NAMPT: variants seen among roughly 807,000 people sequenced by gnomAD.
NAMPT encodes nicotinamide phosphoribosyltransferase, also known as NAmPRTase.
A neutral mutation model predicts 58.7 loss-of-function variants in NAMPT; 7 were observed. That is an observed-to-expected ratio of 0.12 (90% CI 0.07 to 0.22). The LOEUF (loss-of-function observed/expected upper bound fraction) is 0.22, where lower values mean the gene tolerates loss of function less well. Among genes scored for constraint, NAMPT ranks in the 10% least tolerant of loss-of-function variants. The pLI, the probability that NAMPT is intolerant of heterozygous loss-of-function variation, is 1.00. For missense variants in NAMPT, 271 were observed against 567.9 expected (o/e 0.48, Z 5.31); for synonymous variants, 145 against 198.1 (o/e 0.73, Z 2.25).
intron 7 of NAMPT, 34 bp downstream of exon 7, chr7:106,263,358 G>A (rs1461147698): frequency 6.9e-7 from 1 of 1,457,978 alleles, no homozygotes; most frequent in South Asian, 1.1e-5. Context: ...CCTACAGAGG[G>A]ATTCTAATAA....
chr7:106,272,408 G>A lies in NAMPT; in HGVS notation c.447+122C>T, dbSNP rs142282516. Reference sequence around the variant, plus strand: ...TTTATAGATGAGGAAATTGAAGCCTGGAAAGGTTAAGTAAATTATAGGAGA... The same window carrying A: ...TTTATAGATGAGGAAATTGAAGCCTAGAAAGGTTAAGTAAATTATAGGAGA... On this transcript the variant is annotated intron_variant, in intron 4 of 10. Coordinates refer to ENST00000222553, the MANE Select transcript of NAMPT (RefSeq NM_005746.3). The A allele has an allele frequency of 4.2e-3, 3,448 of 830,786 alleles. 60 individuals carry two copies. The highest frequency in any genetic ancestry group is 0.032 in the South Asian group (1,380 of 43,146). 51.5% of individuals were successfully genotyped at this position (830,786 alleles called of 1,614,324 possible).
chr7:106,285,772 T>G (rs1236857644), upstream of NAMPT: 1 of 166,462 alleles, frequency 6.0e-6, no homozygotes, highest in Non-Finnish European at 1.2e-5. Context: ...GAGCCTGCGT[T>G]GAAAAGCGGG....
intron 4 of NAMPT, chr7:106,271,783 TAGTC>T (rs61161612): frequency 2.6e-5 from 4 of 152,616 alleles, no homozygotes; most frequent in East Asian, 1.9e-4. Context: ...ATAAACTAAT[TAGTC>T]AGTTCTAAGA....
At chr7:106,252,150 T>C (rs1415890884) in intron 10 of NAMPT, among the ~76,000 whole-genome samples, 3 of 152,126 alleles carry the variant, frequency 2.0e-5, no homozygotes, top group Non-Finnish European at 4.4e-5. Flanking sequence ...TAAATCAGTG[T>C]CTTTTAAAAA....
rs776352235 is a variant in NAMPT, at chr7:106,263,590, A to G, written c.771T>C (p.His257=). The G allele has an allele frequency of 3.7e-6, 6 of 1,613,168 alleles. No individual in the cohort carries two copies. In the East Asian group the frequency reaches 6.7e-5, roughly 18 times the overall value. The part of the protein sequence containing the change: ...HSTITAWGKD[H]EKDAFEHIVT... ...CAATATGTTCAAAAGCATCTTTTTC[A>G]TGGTCTTTCCCCCAAGCTGTTATGG... Residue 257 remains histidine, a synonymous_variant, in exon 7 of 11, where the codon CAT becomes CAC. Transcript: ENST00000222553.
intron 4 of NAMPT, among the ~76,000 whole-genome samples, chr7:106,269,622 A>C (rs972272639): frequency 1.3e-5 from 2 of 152,222 alleles, no homozygotes; most frequent in African/African-American, 4.8e-5. Context: ...AAAAGGATCA[A>C]TTTTTAGAAA....
chr7:106,282,572 C>A (rs538833037), intron 1 of NAMPT, among the ~76,000 whole-genome samples: 1 of 152,290 alleles, frequency 6.6e-6, no homozygotes, highest in Non-Finnish European at 1.5e-5. Flanking sequence ...TTACTATATA[C>A]AATAAAGTAT....
intron 1 of NAMPT, among the ~76,000 whole-genome samples, chr7:106,279,169 T>A (rs1337350304): frequency 6.6e-6 from 1 of 152,210 alleles, no homozygotes; most frequent in Non-Finnish European, 1.5e-5. Flanking sequence ...TTTAAAAACC[T>A]ACCTTTACTT....
At chr7:106,261,378 A>T (rs1389339954) in intron 8 of NAMPT, 1 of 429,544 alleles carries the variant, frequency 2.3e-6, no homozygotes, top group African/African-American at 2.0e-5. Flanking sequence ...AGGGTGGCCA[A>T]TGACAACTGG....
intron 8 of NAMPT, among the ~76,000 whole-genome samples, chr7:106,255,755 CCT>C (rs1167228398): frequency 1.3e-5 from 2 of 152,054 alleles, no homozygotes; most frequent in African/African-American, 4.8e-5. Flanking sequence ...ACCCAAGGCC[CCT>C]GAGTTCAGGT....
intron 6 of NAMPT, 109 bp from the exon 7 acceptor site, chr7:106,263,726 G>C (rs1586017009): frequency 3.6e-6 from 3 of 825,588 alleles, no homozygotes; most frequent in Non-Finnish European, 6.0e-6. Context: ...CAACATCACA[G>C]AGAAGGTGAG....
chr7:106,253,702 C>T (rs1418158866), intron 9 of NAMPT: 2 of 153,378 alleles, frequency 1.3e-5, no homozygotes, highest in Admixed American at 6.5e-5. Context: ...GTTTCTACAT[C>T]AGAAAGGTAG....
intron 7 of NAMPT, chr7:106,263,022 T>C (rs534595503): frequency 2.0e-5 from 4 of 199,024 alleles, no homozygotes; most frequent in Admixed American, 1.0e-4. Context: ...CTATTTCTTC[T>C]GTGCTAACAA....
At chr7:106,271,334 A>C (rs1183074558) in intron 4 of NAMPT, among the ~76,000 whole-genome samples, 3 of 152,032 alleles carry the variant, frequency 2.0e-5, no homozygotes, top group Non-Finnish European at 4.4e-5. Context: ...TTTATTTTCC[A>C]TTTCATGATT....
Position 106,277,023 on chromosome 7 carries a change from C to T in NAMPT, c.214G>A (p.Gly72Ser). The T allele has an allele frequency of 6.4e-7, 1 of 1,571,606 alleles. No homozygotes were observed. The highest frequency in any genetic ancestry group is 8.8e-7 in the Non-Finnish European group (1 of 1,141,766). Residue 72 changes from glycine (G) to serine (S), a missense_variant and splice_region_variant, in exon 2 of 11, where the codon GGT becomes AGT. Around this residue, in one of 4 missense-constraint regions of NAMPT, gnomAD observed 103 missense variants for 194.2 expected, o/e 0.53. Transcript: ENST00000222553. The part of the protein sequence containing the change: ...LQYILNKYLK[G>S]KVVTKEKIQE... ...TAAAATATACTAGGAAAAGTAATAC[C>T]TTTTAAGTACTTATTAAGAATGTAC...
intron 6 of NAMPT, among the ~76,000 whole-genome samples, chr7:106,265,924 G>A (rs10447822): frequency 0.62 from 93,722 of 152,044 alleles, 29,373 homozygotes; most frequent in East Asian, 0.89. Flanking sequence ...ACATACAATA[G>A]TGGTAAACCT....
chr7:106,255,176 T>C (rs1286258956), intron 8 of NAMPT, among the ~76,000 whole-genome samples: 1 of 152,220 alleles, frequency 6.6e-6, no homozygotes, highest in African/African-American at 2.4e-5. Flanking sequence ...TATGAACAGT[T>C]CTAAAAGAGT....
chr7:106,254,228 G>C (rs1792154752), intron 9 of NAMPT, 136 bp downstream of exon 9: 4 of 877,420 alleles, frequency 4.6e-6, no homozygotes, highest in Non-Finnish European at 7.0e-6. Context: ...TTGTTTCTGA[G>C]TTAAGGTCAG....
intron 8 of NAMPT, among the ~76,000 whole-genome samples, chr7:106,260,162 G>A (rs866900587): frequency 6.6e-6 from 1 of 152,158 alleles, no homozygotes; most frequent in Admixed American, 6.5e-5. Context: ...AGTCCTAGAC[G>A]GCACCTTCTT....
Sources: allele counts gnomAD v4.1 joint callset (sites outside exome capture counted in the v4.1 genomes callset), GRCh38; gene constraint gnomAD v4.1.1; regional missense constraint gnomAD v4.1.1; transcripts MANE v1.5; gene names NCBI Gene and HGNC (gene_info 2026-07-23, HGNC 2026-07-21).